The following TLE1 variants were observed in gnomAD, a reference collection of about 807,000 sequenced individuals.
The protein encoded by TLE1 is transducin-like enhancer protein 1.
In TLE1, 21 loss-of-function variants were observed where a neutral mutation model predicts 89.8. That is an observed-to-expected ratio of 0.23 (90% confidence interval 0.17 to 0.34). TLE1 has a LOEUF of 0.34. TLE1 is among the 10% of genes least tolerant of loss of function. The pLI is 1.00. For synonymous variants in TLE1, 447 were observed against 407.6 expected, an observed-to-expected ratio of 1.10 and a Z score of -1.16; for missense variants, 795 against 1,031.2, an observed-to-expected ratio of 0.77 and a Z score of 3.14.
chr9:81,685,958 C>T, intron 2 of TLE1, 62 bp from the exon 3 acceptor site: 1 of 1,559,216 alleles, frequency 6.4e-7, no homozygotes. Flanking sequence ...ACATCTGCCT[C>T]ACATATTTGC....
Position 81,611,794 on chromosome 9 carries a change from A to C in TLE1, c.1229T>G (p.Val410Gly). The change falls in exon 13 of 20, where the codon GTG (valine) becomes GGG (glycine). Residue 410 changes from valine (V) to glycine (G), a missense_variant. Transcript: ENST00000376499. ...QMSAAAAAAA[V>G]VAYGRSPMVG... ...CATGGGGGAGCGCCCGTAGGCCACCACGGCGGCCGCGGCGGCTGCGGCGCT... is the reference window on the plus strand; with the variant it reads ...CATGGGGGAGCGCCCGTAGGCCACCCCGGCGGCCGCGGCGGCTGCGGCGCT... 6.5e-7 allele frequency: 1 copy of C among 1,548,172 alleles called. No homozygotes were observed. Among genetic ancestry groups the C allele is most frequent in the Non-Finnish European group, 8.7e-7 (1 of 1,154,614 alleles).
intron 9 of TLE1, among the ~76,000 whole-genome samples, chr9:81,619,027 T>C (rs1274450126): frequency 1.3e-5 from 2 of 152,232 alleles, no homozygotes; most frequent in Non-Finnish European, 2.9e-5. Context: ...GCAAGCTTTA[T>C]GGATTCTAGA....
At chr9:81,653,476 T>C (rs1466929721) in intron 5 of TLE1, among the ~76,000 whole-genome samples, 1 of 152,184 alleles carries the variant, frequency 6.6e-6, no homozygotes, top group Admixed American at 6.5e-5. Flanking sequence ...CTAAACAAAA[T>C]AGCTTATACA....
chr9:81,595,125 C>T (rs1830016351), intron 14 of TLE1, among the ~76,000 whole-genome samples: 1 of 152,146 alleles, frequency 6.6e-6, no homozygotes, highest in South Asian at 2.1e-4. Context: ...AATAAATACA[C>T]ATATAAAAAC....
At chr9:81,652,935 C>G (rs1829738558) in intron 5 of TLE1, among the ~76,000 whole-genome samples, 1 of 152,096 alleles carries the variant, frequency 6.6e-6, no homozygotes, top group African/African-American at 2.4e-5. Flanking sequence ...CCTTTTGATT[C>G]TTTACCCTCC....
Position 81,688,509 on chromosome 9 carries a change from C to G in TLE1, c.-269G>C, listed in dbSNP as rs1278915674. ...GCTTCAAGAACCTGCGCGGAGACGT[C>G]GGGCGCTCGGGGACTGTGCGCGGGG... is the stretch of plus-strand genomic sequence containing the variant. On this transcript the variant is annotated 5_prime_UTR_variant, in exon 1 of 20. Coordinates refer to ENST00000376499, the MANE Select transcript of TLE1 (RefSeq NM_005077.5). 1 of 382,052 alleles carries G rather than the reference C, an allele frequency of 2.6e-6. No individual in the cohort carries two copies. Among genetic ancestry groups the G allele is most frequent in the Admixed American group, 4.8e-5 (1 of 20,962 alleles). The allele number at this position is 382,052 out of a possible 1,614,324, so 23.7% of individuals were successfully genotyped here.
At chr9:81,601,133 G>T (rs1830866671) in intron 14 of TLE1, among the ~76,000 whole-genome samples, 1 of 152,092 alleles carries the variant, frequency 6.6e-6, no homozygotes, top group Non-Finnish European at 1.5e-5. Context: ...ATAAAAAGAG[G>T]GCTGAATCAA....
intron 2 of TLE1, among the ~76,000 whole-genome samples, chr9:81,686,431 G>A (rs1270260482): frequency 6.6e-6 from 1 of 152,162 alleles, no homozygotes; most frequent in Non-Finnish European, 1.5e-5. Flanking sequence ...TCCCTGCTGG[G>A]TAAACACGGT....
At chr9:81,652,822 T>G (rs1302566949) in intron 5 of TLE1, among the ~76,000 whole-genome samples, 1 of 152,110 alleles carries the variant, frequency 6.6e-6, no homozygotes, top group Non-Finnish European at 1.5e-5. Context: ...ACCTAAAACT[T>G]TAATATTAAA....
At position 81,627,111 on chromosome 9, in the gene TLE1, T is replaced by C. The variant is rs959250644; in HGVS notation, c.594+6237A>G. On this transcript the variant is annotated intron_variant, in intron 8 of 19. Coordinates refer to ENST00000376499, the MANE Select transcript of TLE1 (RefSeq NM_005077.5). Reference sequence around the variant, plus strand: ...ATTAGGTCAGGACTTGACTAAGTCATCTGTGTATCGGACAGCACTTACATT... The same window carrying C: ...ATTAGGTCAGGACTTGACTAAGTCACCTGTGTATCGGACAGCACTTACATT... Among the ~76,000 whole-genome samples the C allele has an allele frequency of 4.6e-5, 7 of 152,172 alleles. No individual in the cohort carries two copies. In the East Asian group the frequency reaches 1.2e-3, roughly 25 times the overall value.
At chr9:81,685,987 G>A in intron 2 of TLE1, 91 bp from the exon 3 acceptor site, 2 of 1,392,626 alleles carry the variant, frequency 1.4e-6, no homozygotes, top group Non-Finnish European at 2.0e-6. Flanking sequence ...TAAAAACACA[G>A]ACCAATTTGG....
At chr9:81,606,046 A>G (rs1043539607) in intron 14 of TLE1, among the ~76,000 whole-genome samples, 3 of 152,226 alleles carry the variant, frequency 2.0e-5, no homozygotes, top group African/African-American at 7.2e-5. Flanking sequence ...GCCATCAGAG[A>G]AATGCAAATC....
chr9:81,663,139 C>T (rs954445344), intron 4 of TLE1, among the ~76,000 whole-genome samples: 2 of 152,298 alleles, frequency 1.3e-5, no homozygotes, highest in African/African-American at 4.8e-5. Flanking sequence ...AGCCATTGCA[C>T]CTGACCAATT....
chr9:81,595,669 A>C (rs1830087334), intron 14 of TLE1, among the ~76,000 whole-genome samples: 1 of 152,024 alleles, frequency 6.6e-6, no homozygotes, highest in South Asian at 2.1e-4. Context: ...ATACAAAAAA[A>C]TCAGCCGGGT....
chr9:81,655,632 T>C (rs1830063723), intron 4 of TLE1, among the ~76,000 whole-genome samples: 1 of 152,016 alleles, frequency 6.6e-6, no homozygotes, highest in Non-Finnish European at 1.5e-5. Flanking sequence ...ACCTTACTTA[T>C]TTCATCATTT....
At chr9:81,641,965 T>G (rs1828179589) in intron 6 of TLE1, among the ~76,000 whole-genome samples, 1 of 151,944 alleles carries the variant, frequency 6.6e-6, no homozygotes, top group Non-Finnish European at 1.5e-5. Flanking sequence ...GAGGTTGCAG[T>G]AAGCGGAGAT....
chr9:81,649,413 A>G (rs1829266031), intron 6 of TLE1, among the ~76,000 whole-genome samples: 1 of 152,056 alleles, frequency 6.6e-6, no homozygotes, highest in African/African-American at 2.4e-5. Flanking sequence ...CCTTGAGATG[A>G]TTTACTTTTT....
At chr9:81,683,273 T>C (rs1269271231) in intron 4 of TLE1, among the ~76,000 whole-genome samples, 1 of 152,084 alleles carries the variant, frequency 6.6e-6, no homozygotes, top group Non-Finnish European at 1.5e-5. Context: ...GACAATTTTT[T>C]GTGTCCCCTG....
Position 81,659,756 on chromosome 9 carries a change from A to G in TLE1, c.235-5720T>C, listed in dbSNP as rs115190474. 2.5e-3 allele frequency among the ~76,000 whole-genome samples: 385 copies of G among 152,280 alleles called. 3 individuals are homozygous for G. Among genetic ancestry groups the G allele is most frequent in the African/African-American group, 8.7e-3 (363 of 41,570 alleles). On this transcript the variant is annotated intron_variant, in intron 4 of 19. Coordinates refer to ENST00000376499, the MANE Select transcript of TLE1 (RefSeq NM_005077.5). Reference sequence around the variant, plus strand: ...ACTACTGCTAGGGGTTCTATGTTAAATCACTTAAACCACTGGGTCCCAACC... The same window carrying G: ...ACTACTGCTAGGGGTTCTATGTTAAGTCACTTAAACCACTGGGTCCCAACC...
Sources: allele counts gnomAD v4.1 joint callset (sites outside exome capture counted in the v4.1 genomes callset), GRCh38; gene constraint gnomAD v4.1.1; transcripts MANE v1.5; gene names NCBI Gene and HGNC (gene_info 2026-07-23, HGNC 2026-07-21).